CLEC2L: variants seen among roughly 807,000 people sequenced by gnomAD.
CLEC2L encodes the protein C-type lectin domain family 2 member L, also known as C-type lectin domain family 2, member L.
In CLEC2L, 14 loss-of-function variants were observed where a neutral mutation model predicts 23.6. That is an observed-to-expected ratio of 0.59 (90% CI 0.39 to 0.93). The LOEUF is 0.93. Among genes scored for constraint, CLEC2L ranks in the 40% least tolerant of loss-of-function variants. CLEC2L has a pLI of 0.00. For missense variants in CLEC2L, 264 were observed against 282.4 expected, an observed-to-expected ratio of 0.93 and a Z score of 0.47; for synonymous variants, 114 against 121.3, an observed-to-expected ratio of 0.94 and a Z score of 0.40.
At chr7:139,527,339 A>C (rs1797519920) in intron 1 of CLEC2L, among the ~76,000 whole-genome samples, 1 of 152,040 alleles carries the variant, frequency 6.6e-6, no homozygotes, top group Non-Finnish European at 1.5e-5. Flanking sequence ...TCCCACACAC[A>C]CGCTCTCCTC....
chr7:139,528,043 C>T (rs1011607382), intron 1 of CLEC2L, among the ~76,000 whole-genome samples: 8 of 152,132 alleles, frequency 5.3e-5, no homozygotes, highest in Non-Finnish European at 1.5e-5. Context: ...TGAAATCACA[C>T]ACATTTAGAA....
intron 3 of CLEC2L, among the ~76,000 whole-genome samples, 189 bp from the exon 4 acceptor site, chr7:139,541,832 T>C (rs574415136): frequency 1.3e-5 from 2 of 152,362 alleles, no homozygotes; most frequent in East Asian, 3.9e-4. Flanking sequence ...AGCCGAATTC[T>C]GGCAGCGTGA....
intron 1 of CLEC2L, among the ~76,000 whole-genome samples, chr7:139,525,481 G>A (rs1246896242): frequency 1.3e-5 from 2 of 152,016 alleles, no homozygotes; most frequent in Middle Eastern, 3.2e-3. Flanking sequence ...CGTCACCAAG[G>A]AGAAGAGCTG....
rs150052165 is a variant in CLEC2L, at chr7:139,542,071, A to G, written c.483A>G (p.Arg161=). 891 of 1,613,278 alleles carry G rather than the reference A, an allele frequency of 5.5e-4. 4 individuals are homozygous for G. The African/African-American group carries it at 0.011, about 20-fold the overall frequency. Residue 161 remains arginine (R), a synonymous_variant, in exon 4 of 5, where the codon AGA becomes AGG. Transcript: ENST00000422142. ...GGGAGCCCTGGATTGGACTACGCAG[A>G]GTTGGGGACGAATTCCACTGGGTCA... ...TRREPWIGLR[R]VGDEFHWVNG...
Position 139,524,322 on chromosome 7 carries a change from C to T in CLEC2L, c.190+205C>T, listed in dbSNP as rs988217285. The stretch of plus-strand genomic sequence containing the variant: ...GGTGGGAGGGAACCGGGGGCCACCG[C>T]GAGTCACAGCCTCGACCCCGCCTCT... On this transcript the variant is annotated intron_variant, in intron 1 of 4. Transcript: ENST00000422142. Among the ~76,000 whole-genome samples the T allele has an allele frequency of 3.9e-5, 6 of 152,280 alleles. No homozygotes were observed. The South Asian group carries it at 1.0e-3, about 26-fold the overall frequency.
At chr7:139,527,167 G>A (rs577188531) in intron 1 of CLEC2L, among the ~76,000 whole-genome samples, 2 of 152,312 alleles carry the variant, frequency 1.3e-5, no homozygotes. Flanking sequence ...GCTGGTGAGT[G>A]TTCTGTTTCA....
rs561341872 is a variant in CLEC2L, at chr7:139,543,712, T to C, written c.534-519T>C. 4.0e-4 allele frequency among the ~76,000 whole-genome samples: 61 copies of C among 152,300 alleles called. 2 individuals carry two copies. The highest frequency in any genetic ancestry group is 1.3e-3 in the African/African-American group (52 of 41,580). On this transcript the variant is annotated intron_variant, in intron 4 of 4. Coordinates refer to ENST00000422142, the MANE Select transcript of CLEC2L (RefSeq NM_001080511.4). ...CTACCCCTAACCTGTGAGGGGTAGCTGACTTCAGCCAGCTCTGCAGAGCTC... is the reference window on the plus strand; with the variant it reads ...CTACCCCTAACCTGTGAGGGGTAGCCGACTTCAGCCAGCTCTGCAGAGCTC...
rs1180548965 is a variant in CLEC2L at position 139,540,274 on chromosome 7, C to T, written c.266-47C>T. 7.2e-7 allele frequency: 1 copy of T among 1,383,604 alleles called. No individual in the cohort carries two copies. The highest frequency in any genetic ancestry group is 3.1e-5 in the East Asian group (1 of 32,150). 85.7% of individuals were successfully genotyped at this position (1,383,604 alleles called of 1,614,324 possible). ...GGGAGCCACAGAAAGCAGAGTGGGA[C>T]TCGGGCTGGGGGGGCGGGCAGGGCC... On this transcript the variant is annotated intron_variant, in intron 2 of 4. Coordinates refer to ENST00000422142, the MANE Select transcript of CLEC2L (RefSeq NM_001080511.4). The surrounding 1 kb of genome is among the most constrained non-coding windows in gnomAD (Gnocchi z 5.8).
intron 1 of CLEC2L, among the ~76,000 whole-genome samples, chr7:139,533,720 A>G (rs1797613132): frequency 6.6e-6 from 1 of 152,206 alleles, no homozygotes. Context: ...TTTTCAGACT[A>G]TCTTTGGTGA....
chr7:139,525,780 A>T (rs1585195756), intron 1 of CLEC2L, among the ~76,000 whole-genome samples: 1 of 150,492 alleles, frequency 6.6e-6, no homozygotes. Flanking sequence ...GTTCCTGTCC[A>T]CCTCCTGCCC....
chr7:139,534,644 T>C (rs941559411), intron 1 of CLEC2L: 5 of 620,462 alleles, frequency 8.1e-6, no homozygotes, highest in African/African-American at 1.8e-5. Flanking sequence ...ATCATAGTAA[T>C]CCTGTTTCCA....
At position 139,539,976 on chromosome 7, in the gene CLEC2L, T is replaced by C. The variant is rs1460362070; in HGVS notation, c.266-345T>C. The C allele has an allele frequency of 3.5e-6, 1 of 288,476 alleles. No homozygotes were observed. The highest frequency in any genetic ancestry group is 6.6e-6 in the Non-Finnish European group (1 of 150,800). The allele number at this position is 288,476 out of a possible 1,614,324, so 17.9% of individuals were successfully genotyped here. ...AGCGGGCAGTCTGTCCTGCTGTTGG[T>C]ACCTGGCCTAGCTGGAAGGAGAGGA... On this transcript the variant is annotated intron_variant, in intron 2 of 4. Coordinates refer to ENST00000422142, the MANE Select transcript of CLEC2L (RefSeq NM_001080511.4). The surrounding 1 kb of genome is among the most constrained non-coding windows in gnomAD (Gnocchi z 4.1).
intron 1 of CLEC2L, chr7:139,534,194 G>C: frequency 1.3e-6 from 1 of 761,852 alleles, no homozygotes. Flanking sequence ...AGAACTACCG[G>C]TAGCAGCGGT....
In CLEC2L at chr7:139,524,630, G is replaced by A. The variant is rs188731220; in HGVS notation, c.190+513G>A. On this transcript the variant is annotated intron_variant, in intron 1 of 4. Transcript: ENST00000422142. ...ATCCAGGAGAGGCTCTTCCTTGCAAGGTCAGGGGTCACACCTACTCCTCCA... is the reference window on the plus strand; with the variant it reads ...ATCCAGGAGAGGCTCTTCCTTGCAAAGTCAGGGGTCACACCTACTCCTCCA... Among the ~76,000 whole-genome samples, 300 of 152,326 alleles carry A rather than the reference G, an allele frequency of 2.0e-3. 1 individual carries two copies. Among genetic ancestry groups the A allele is most frequent in the African/African-American group, 6.8e-3 (283 of 41,570 alleles).
chr7:139,539,207 A>G lies in CLEC2L; in HGVS notation c.266-1114A>G, dbSNP rs1333306716. 2 of 152,230 alleles carry G rather than the reference A, an allele frequency of 1.3e-5. No individual in the cohort carries two copies. The highest frequency in any genetic ancestry group is 6.5e-5 in the Admixed American group (1 of 15,290). 9.4% of individuals were successfully genotyped at this position (152,230 alleles called of 1,614,324 possible). On this transcript the variant is annotated intron_variant, in intron 2 of 4. Transcript: ENST00000422142. The surrounding 1 kb of genome is among the most constrained non-coding windows in gnomAD (Gnocchi z 4.1). ...TGACAAAATCCAAAAACACAATCCC[A>G]TATGACAGATGGGTGAAAGAAATCA...
intron 1 of CLEC2L, among the ~76,000 whole-genome samples, chr7:139,526,850 C>A (rs984099090): frequency 1.8e-4 from 28 of 152,228 alleles, no homozygotes; most frequent in Non-Finnish European, 5.9e-5. Flanking sequence ...ACTTGGACTT[C>A]TGGTCAGCCT....
intron 1 of CLEC2L, among the ~76,000 whole-genome samples, chr7:139,527,611 T>C (rs558815691): frequency 6.6e-6 from 1 of 152,286 alleles, no homozygotes; most frequent in East Asian, 1.9e-4. Context: ...AGAGCCCGCC[T>C]GGGTTCTGGG....
intron 1 of CLEC2L, chr7:139,534,667 C>G (rs1797627590): frequency 1.5e-5 from 8 of 521,582 alleles, no homozygotes; most frequent in Non-Finnish European, 2.4e-5. Flanking sequence ...TTGTTATACT[C>G]TAGCCAAGAT....
In CLEC2L at chr7:139,539,464, AG is replaced by A. The variant is rs376195274; in HGVS notation, c.266-856del. 4.6e-5 allele frequency: 7 copies of A among 152,240 alleles called. No homozygotes were observed. Among genetic ancestry groups the A allele is most frequent in the Non-Finnish European group, 8.8e-5 (6 of 68,000 alleles). The allele number at this position is 152,240 out of a possible 1,614,324, so 9.4% of individuals were successfully genotyped here. A position where few individuals can be genotyped will look rare whatever the true frequency, so the allele number is the denominator to read the frequency against. ...AAGCTCCGGGCTTCCTTCCCAGAAA[AG>A]TCCATGTATGCACATACCCGCCGAT... On this transcript the variant is annotated intron_variant, in intron 2 of 4. Transcript: ENST00000422142. This position sits in a 1 kb window ranked among gnomAD's most constrained non-coding sequence, Gnocchi z 4.1.
Sources: allele counts gnomAD v4.1 joint callset (sites outside exome capture counted in the v4.1 genomes callset), GRCh38; gene constraint gnomAD v4.1.1; non-coding constraint Gnocchi (gnomAD v3.1); transcripts MANE v1.5; gene names NCBI Gene and HGNC (gene_info 2026-07-23, HGNC 2026-07-21).